CARMIL1: variants seen among roughly 807,000 people sequenced by gnomAD.
The protein encoded by CARMIL1 is F-actin-uncapping protein LRRC16A.
A neutral mutation model predicts 177.1 loss-of-function variants in CARMIL1; 90 were observed. That is an observed-to-expected ratio of 0.51 (90% CI 0.43 to 0.61). CARMIL1 has a LOEUF of 0.61. CARMIL1 is among the 20% of genes least tolerant of loss of function. The probability of loss-of-function intolerance (pLI) is 0.00; values close to 1 mark genes in which losing one functional copy is unlikely to be tolerated. For synonymous variants in CARMIL1, 577 were observed against 606.2 expected (o/e 0.95, Z 0.71); for missense variants, 1,380 against 1,667.0 (o/e 0.83, Z 3.00).
intron 4 of CARMIL1, among the ~76,000 whole-genome samples, chr6:25,427,085 G>A (rs559758705): frequency 1.3e-3 from 196 of 152,216 alleles, no homozygotes; most frequent in African/African-American, 4.6e-3. Flanking sequence ...GCTGTAGTTT[G>A]CATTTTAAAA....
At chr6:25,295,510 CT>C (rs200582676) in intron 2 of CARMIL1, among the ~76,000 whole-genome samples, 4,252 of 151,098 alleles carry the variant, frequency 0.028, 72 homozygotes, top group Non-Finnish European at 0.039. Flanking sequence ...TTGAAGGATG[CT>C]TTTTTTTTCA....
intron 29 of CARMIL1, among the ~76,000 whole-genome samples, chr6:25,561,476 G>T (rs745392246): frequency 1.3e-5 from 2 of 152,128 alleles, no homozygotes; most frequent in South Asian, 4.1e-4. Context: ...CCTAGGAAAA[G>T]AATCTTAAAA....
intron 5 of CARMIL1, among the ~76,000 whole-genome samples, chr6:25,442,065 TGTG>T (rs912371607): frequency 6.6e-6 from 1 of 152,042 alleles, no homozygotes; most frequent in African/African-American, 2.4e-5. Flanking sequence ...AGCCTTTTGT[TGTG>T]GTGTGGCTTG....
At chr6:25,619,349 C>T in intron 36 of CARMIL1, 98 bp from the exon 37 acceptor site, 1 of 1,270,682 alleles carries the variant, frequency 7.9e-7, no homozygotes. Context: ...CCCCTCCCCT[C>T]CCCCAAACCT....
intron 2 of CARMIL1, among the ~76,000 whole-genome samples, chr6:25,380,857 A>C (rs1204588492): frequency 1.4e-5 from 2 of 147,406 alleles, no homozygotes; most frequent in Non-Finnish European, 3.0e-5. Flanking sequence ...ATGTGGACTC[A>C]TGCCTTGGAC....
chr6:25,405,837 A>G (rs551622397), intron 2 of CARMIL1, among the ~76,000 whole-genome samples: 17 of 152,318 alleles, frequency 1.1e-4, no homozygotes, highest in East Asian at 1.9e-4. Flanking sequence ...GGATGTGTCA[A>G]TTATGTGGTA....
chr6:25,316,407 T>G (rs533580036), intron 2 of CARMIL1, among the ~76,000 whole-genome samples: 88 of 147,590 alleles, frequency 6.0e-4, no homozygotes, highest in African/African-American at 2.1e-3. Context: ...GATGAGATAG[T>G]TTATATTCCA....
intron 2 of CARMIL1, among the ~76,000 whole-genome samples, chr6:25,307,432 T>A (rs1783365994): frequency 6.6e-6 from 1 of 152,218 alleles, no homozygotes; most frequent in Admixed American, 6.5e-5. Context: ...TTTGTCCACC[T>A]TTTTTGTACC....
intron 2 of CARMIL1, among the ~76,000 whole-genome samples, chr6:25,404,742 T>C (rs9461160): frequency 0.46 from 66,888 of 145,202 alleles, 15,214 homozygotes; most frequent in Middle Eastern, 0.61. Context: ...GGTGACAGAG[T>C]GAGACTTCGT....
At chr6:25,571,745 A>G (rs769370657) in intron 29 of CARMIL1, among the ~76,000 whole-genome samples, 1 of 152,224 alleles carries the variant, frequency 6.6e-6, no homozygotes, top group Non-Finnish European at 1.5e-5. Flanking sequence ...CGTATGTGGT[A>G]TTCATGCTAA....
intron 12 of CARMIL1, among the ~76,000 whole-genome samples, chr6:25,483,854 A>G (rs1015605312): frequency 6.6e-6 from 1 of 151,864 alleles, no homozygotes. Context: ...TGCAGCCTCA[A>G]CCTCCTGGGC....
intron 3 of CARMIL1, among the ~76,000 whole-genome samples, chr6:25,424,800 A>G (rs889964997): frequency 1.3e-5 from 2 of 152,146 alleles, no homozygotes; most frequent in Admixed American, 6.5e-5. Context: ...GTCTGCTGTC[A>G]TATTACTTTG....
At chr6:25,477,774 C>A (rs1035418443) in intron 11 of CARMIL1, among the ~76,000 whole-genome samples, 2 of 151,360 alleles carry the variant, frequency 1.3e-5, no homozygotes, top group Admixed American at 6.6e-5. Context: ...TCTGTTTTTC[C>A]TAGTTATCTG....
intron 32 of CARMIL1, among the ~76,000 whole-genome samples, chr6:25,598,585 C>T (rs1029464089): frequency 4.6e-5 from 7 of 152,086 alleles, no homozygotes; most frequent in African/African-American, 1.7e-4. Context: ...TAATTTCTAC[C>T]TTTTCTCTCC....
intron 2 of CARMIL1, among the ~76,000 whole-genome samples, chr6:25,415,991 T>G (rs1581864014): frequency 2.0e-5 from 3 of 147,036 alleles, no homozygotes; most frequent in African/African-American, 5.1e-5. Context: ...AGAGGAGGGG[T>G]GGGGAGCCAG....
intron 29 of CARMIL1, among the ~76,000 whole-genome samples, chr6:25,576,001 TC>T (rs748819037): frequency 6.6e-6 from 1 of 152,148 alleles, no homozygotes; most frequent in South Asian, 2.1e-4. Context: ...TAGGTGGCCT[TC>T]CTCAGGAGGT....
At position 25,332,765 on chromosome 6, in the gene CARMIL1, A is replaced by ACG. The variant is rs1554165917; in HGVS notation, c.138+47857_138+47858insGC. 9.0e-3 allele frequency among the ~76,000 whole-genome samples: 1,215 copies of ACG among 134,554 alleles called. 18 individuals carry two copies. The highest frequency in any genetic ancestry group is 0.021 in the African/African-American group (762 of 35,812). 88.3% of individuals were successfully genotyped at this position (134,554 alleles called of 152,430 possible). On this transcript the variant is annotated intron_variant, in intron 2 of 36. Transcript: ENST00000329474. ...CATACACACACACACACACACACAC[A>ACG]CACACACGCGCACACACACACACAC...
chr6:25,496,576 TC>T (rs1315188404), intron 16 of CARMIL1, among the ~76,000 whole-genome samples: 1 of 151,642 alleles, frequency 6.6e-6, no homozygotes, highest in Non-Finnish European at 1.5e-5. Context: ...ATATTAGAGA[TC>T]CCTAAATATA....
chr6:25,414,130 A>T (rs1275965016), intron 2 of CARMIL1, among the ~76,000 whole-genome samples: 1 of 152,186 alleles, frequency 6.6e-6, no homozygotes, highest in African/African-American at 2.4e-5. Flanking sequence ...GCAGAGGAAT[A>T]TTCTTGTTTG....
Sources: allele counts gnomAD v4.1 joint callset (sites outside exome capture counted in the v4.1 genomes callset), GRCh38; gene constraint gnomAD v4.1.1; transcripts MANE v1.5; gene names NCBI Gene and HGNC (gene_info 2026-07-23, HGNC 2026-07-21).